Variants in GADL1 observed in about 807,000 individuals in gnomAD.
The protein encoded by GADL1 is acidic amino acid decarboxylase GADL1.
Under a neutral mutation model 69.5 loss-of-function variants are expected in GADL1, and 71 were observed. That is an observed-to-expected ratio of 1.02 (90% CI 0.84 to 1.25). GADL1 has a LOEUF of 1.25. Among genes scored for constraint, GADL1 ranks in the 50% most tolerant of loss-of-function variants. The probability of loss-of-function intolerance (pLI) is 0.00; values close to 1 mark genes in which losing one functional copy is unlikely to be tolerated. For synonymous variants in GADL1, 254 were observed against 214.4 expected, an observed-to-expected ratio of 1.18 and a Z score of -1.62; for missense variants, 737 against 631.8, an observed-to-expected ratio of 1.17 and a Z score of -1.79.
At chr3:30,860,818 C>T (rs929442795) in intron 2 of GADL1, among the ~76,000 whole-genome samples, 1 of 151,914 alleles carries the variant, frequency 6.6e-6, no homozygotes, top group African/African-American at 2.4e-5. Flanking sequence ...AGTGATACTG[C>T]CTGGATTTTA....
intron 14 of GADL1, among the ~76,000 whole-genome samples, chr3:30,758,246 A>C (rs879912735): frequency 3.9e-5 from 6 of 152,226 alleles, no homozygotes; most frequent in Non-Finnish European, 8.8e-5. Context: ...GCATGCACCA[A>C]GTATGTATTC....
At chr3:30,760,288 G>T (rs1170256048) in intron 14 of GADL1, among the ~76,000 whole-genome samples, 1 of 152,042 alleles carries the variant, frequency 6.6e-6, no homozygotes, top group Non-Finnish European at 1.5e-5. Context: ...TTACTTACTG[G>T]CTTGACCTTA....
At chr3:30,759,063 T>C (rs1191736656) in intron 14 of GADL1, among the ~76,000 whole-genome samples, 1 of 127,914 alleles carries the variant, frequency 7.8e-6, no homozygotes, top group Non-Finnish European at 1.7e-5. Flanking sequence ...TCATAATGAT[T>C]AAAAATCCGT....
In GADL1 at chr3:30,821,235, C is replaced by T. The variant is rs952758241; in HGVS notation, c.1050+12618G>A. On this transcript the variant is annotated intron_variant, in intron 11 of 14. Transcript: ENST00000282538. ...AGGAGATATACCTAATGCTAAATGA[C>T]GAGTTAATGGGTGCAGCACACCAGC... is the stretch of plus-strand genomic sequence containing the variant. Among the ~76,000 whole-genome samples, 72 of 151,850 alleles carry T rather than the reference C, an allele frequency of 4.7e-4. 2 individuals carry two copies. The highest frequency in any genetic ancestry group is 3.4e-3 in the Middle Eastern group (1 of 294).
At chr3:30,777,814 CATT>C (rs1696570433) in intron 14 of GADL1, among the ~76,000 whole-genome samples, 1 of 152,196 alleles carries the variant, frequency 6.6e-6, no homozygotes, top group Admixed American at 6.5e-5. Context: ...AGACTTCTAA[CATT>C]ATTTCCAAGT....
intron 11 of GADL1, among the ~76,000 whole-genome samples, chr3:30,808,972 A>G (rs1394780842): frequency 6.6e-6 from 1 of 152,208 alleles, no homozygotes; most frequent in Admixed American, 6.5e-5. Flanking sequence ...AGTCTCATGC[A>G]CAGTGACTAA....
rs1240365601 is a variant in GADL1, at chr3:30,851,047, T to A, written c.429-106A>T. 6.4e-6 allele frequency: 4 copies of A among 623,682 alleles called. No homozygotes were observed. The African/African-American group carries it at 7.3e-5, about 11-fold the overall frequency. 38.6% of individuals were successfully genotyped at this position (623,682 alleles called of 1,614,324 possible). The stretch of plus-strand genomic sequence containing the variant: ...CTATTAAACCAAGTGGCTGCTGAAG[T>A]GTAGGCAGTCTTTGGAAATTTATCC... On this transcript the variant is annotated intron_variant, in intron 4 of 14. Coordinates refer to ENST00000282538, the MANE Select transcript of GADL1 (RefSeq NM_207359.3).
At chr3:30,780,509 A>G (rs553612158) in intron 13 of GADL1, among the ~76,000 whole-genome samples, 1 of 152,202 alleles carries the variant, frequency 6.6e-6, no homozygotes, top group Non-Finnish European at 1.5e-5. Flanking sequence ...TCCCTTGCTA[A>G]TAATTATTGA....
At chr3:30,867,563 G>C (rs183500103) in intron 1 of GADL1, among the ~76,000 whole-genome samples, 1 of 151,654 alleles carries the variant, frequency 6.6e-6, no homozygotes, top group Non-Finnish European at 1.5e-5. Context: ...CAGTTTTTCA[G>C]ATGAGAAAAC....
chr3:30,828,949 C>T (rs1437560020), intron 11 of GADL1, among the ~76,000 whole-genome samples: 1 of 151,814 alleles, frequency 6.6e-6, no homozygotes, highest in Non-Finnish European at 1.5e-5. Context: ...CTTAAAAGGC[C>T]ATCTGATTAG....
intron 1 of GADL1, among the ~76,000 whole-genome samples, 173 bp downstream of exon 1, chr3:30,894,405 C>A (rs755891619): frequency 1.3e-5 from 2 of 152,216 alleles, no homozygotes; most frequent in East Asian, 1.9e-4. Flanking sequence ...TAAATAATAA[C>A]CTTTTAGGTA....
chr3:30,788,042 A>T (rs1044216405), intron 12 of GADL1, among the ~76,000 whole-genome samples: 1 of 152,326 alleles, frequency 6.6e-6, no homozygotes. Context: ...GAGCATACAC[A>T]TGGGCACGTA....
intron 1 of GADL1, among the ~76,000 whole-genome samples, chr3:30,890,709 C>G (rs929322399): frequency 6.6e-6 from 1 of 152,280 alleles, no homozygotes; most frequent in Admixed American, 6.5e-5. Flanking sequence ...TATTCTTCAT[C>G]AATAGGTGAA....
intron 8 of GADL1, among the ~76,000 whole-genome samples, chr3:30,841,213 T>C (rs1426614437): frequency 2.6e-5 from 4 of 152,224 alleles, no homozygotes; most frequent in Admixed American, 2.6e-4. Flanking sequence ...GCAAGGTTTG[T>C]CCTTGGTGAA....
intron 14 of GADL1, among the ~76,000 whole-genome samples, chr3:30,744,034 C>G (rs959542487): frequency 2.6e-5 from 4 of 152,138 alleles, no homozygotes; most frequent in African/African-American, 7.2e-5. Context: ...AGAAATACAC[C>G]TTTGTATTAT....
At chr3:30,810,815 C>A (rs952167276) in intron 11 of GADL1, among the ~76,000 whole-genome samples, 1 of 151,918 alleles carries the variant, frequency 6.6e-6, no homozygotes, top group Non-Finnish European at 1.5e-5. Flanking sequence ...CAGCAAAATG[C>A]GCAAAGGAAA....
At chr3:30,786,751 C>A (rs1014835146) in intron 12 of GADL1, among the ~76,000 whole-genome samples, 7 of 152,190 alleles carry the variant, frequency 4.6e-5, no homozygotes, top group African/African-American at 1.7e-4. Flanking sequence ...TAGGTACTTA[C>A]ATTAAATAGC....
At chr3:30,881,073 A>T (rs558192871) in intron 1 of GADL1, among the ~76,000 whole-genome samples, 1 of 152,060 alleles carries the variant, frequency 6.6e-6, no homozygotes, top group South Asian at 2.1e-4. Flanking sequence ...CAGTTAAGTG[A>T]GTAGAAAGCT....
intron 14 of GADL1, among the ~76,000 whole-genome samples, chr3:30,769,325 C>CTGT (rs139511171): frequency 0.015 from 2,273 of 152,184 alleles, 57 homozygotes; most frequent in African/African-American, 0.053. Context: ...GGTGACAGTG[C>CTGT]TGTATCCTTA....
Sources: gnomAD v4.1 joint callset for allele counts (sites outside exome capture counted in the v4.1 genomes callset) on GRCh38, gnomAD v4.1.1 for gene constraint, MANE v1.5 for transcripts, NCBI Gene and HGNC (gene_info 2026-07-23, HGNC 2026-07-21) for gene names.